The following CMTM7 variants were observed in gnomAD, a reference collection of about 807,000 sequenced individuals.
The protein encoded by CMTM7 is CKLF like MARVEL transmembrane domain containing 7, also known as CKLF-like MARVEL transmembrane domain-containing protein 7.
Under a neutral mutation model 19.3 loss-of-function variants are expected in CMTM7, and 7 were observed. The observed-to-expected ratio is 0.36, with a 90% confidence interval of 0.21 to 0.68. The LOEUF (loss-of-function observed/expected upper bound fraction) is 0.68. CMTM7 is among the 30% of genes least tolerant of loss of function. The probability of loss-of-function intolerance (pLI) is 0.60; values close to 1 mark genes in which losing one functional copy is unlikely to be tolerated. For synonymous variants in CMTM7, 87 were observed against 99.3 expected (o/e 0.88, Z 0.74); for missense variants, 193 against 232.6 (o/e 0.83, Z 1.11).
intron 1 of CMTM7, among the ~76,000 whole-genome samples, chr3:32,408,153 G>A (rs912777398): frequency 4.6e-5 from 7 of 152,192 alleles, no homozygotes; most frequent in Non-Finnish European, 7.4e-5. Flanking sequence ...CAGAGTCTCC[G>A]GAGGGAGCAC....
intron 1 of CMTM7, among the ~76,000 whole-genome samples, chr3:32,407,974 G>A (rs1034335554): frequency 4.6e-5 from 7 of 152,152 alleles, no homozygotes; most frequent in East Asian, 3.8e-4. Context: ...TGGAAAAACC[G>A]TCTTCTCACA....
At chr3:32,452,319 G>T in intron 3 of CMTM7, 73 bp from the exon 4 acceptor site, 2 of 1,612,214 alleles carry the variant, frequency 1.2e-6, no homozygotes, top group Non-Finnish European at 1.7e-6. Flanking sequence ...GCACAGAGAT[G>T]AGAAGCAGAC....
intron 1 of CMTM7, among the ~76,000 whole-genome samples, chr3:32,395,157 C>T (rs981177427): frequency 6.6e-6 from 1 of 152,186 alleles, no homozygotes; most frequent in South Asian, 2.1e-4. Flanking sequence ...GCACCCACCA[C>T]GATGCCCAGC....
intron 1 of CMTM7, among the ~76,000 whole-genome samples, chr3:32,427,463 C>T (rs1254622873): frequency 1.3e-5 from 2 of 152,028 alleles, no homozygotes; most frequent in South Asian, 4.1e-4. Flanking sequence ...GGTATGGGGA[C>T]CAGGAGGGCA....
At chr3:32,454,052 G>C (rs1696873429) in intron 4 of CMTM7, among the ~76,000 whole-genome samples, 189 bp from the exon 5 acceptor site, 1 of 152,164 alleles carries the variant, frequency 6.6e-6, no homozygotes. Flanking sequence ...AGTCACCTCT[G>C]CACTACCGAA....
intron 1 of CMTM7, among the ~76,000 whole-genome samples, chr3:32,404,502 C>T (rs552812009): frequency 6.6e-6 from 1 of 152,282 alleles, no homozygotes; most frequent in African/African-American, 2.4e-5. Context: ...TTCAGTTTTT[C>T]CTCCTTTTGC....
intron 1 of CMTM7, among the ~76,000 whole-genome samples, chr3:32,400,804 A>G (rs1695991373): frequency 6.6e-6 from 1 of 152,206 alleles, no homozygotes. Flanking sequence ...TGTGTGTACC[A>G]TGGTACACTG....
At chr3:32,413,232 G>A (rs568416181) in intron 1 of CMTM7, among the ~76,000 whole-genome samples, 85 of 152,282 alleles carry the variant, frequency 5.6e-4, no homozygotes, top group Non-Finnish European at 1.1e-3. Flanking sequence ...ATGGCCAATC[G>A]CTGTTTTACG....
chr3:32,431,026 A>G (rs183288331), intron 1 of CMTM7, among the ~76,000 whole-genome samples: 8 of 152,376 alleles, frequency 5.3e-5, no homozygotes, highest in Admixed American at 4.6e-4. Context: ...TGGGAAAACA[A>G]CAGTGAACAC....
chr3:32,426,103 C>A (rs1696428532), intron 1 of CMTM7, among the ~76,000 whole-genome samples: 2 of 152,198 alleles, frequency 1.3e-5, no homozygotes, highest in Admixed American at 1.3e-4. Context: ...CAAGATCGCA[C>A]CATTGCACTC....
intron 1 of CMTM7, among the ~76,000 whole-genome samples, chr3:32,441,462 AC>A (rs1696674324): frequency 6.6e-6 from 1 of 152,118 alleles, no homozygotes; most frequent in Admixed American, 6.5e-5. Flanking sequence ...TAATATGTAA[AC>A]CCCAGGTCAC....
At position 32,454,458 on chromosome 3, in the gene CMTM7, G is replaced by A. The variant is rs114577010; in HGVS notation, c.*204G>A. 9.5e-4 allele frequency: 673 copies of A among 712,006 alleles called. 4 individuals carry two copies. In the African/African-American group the frequency reaches 0.01, roughly 11 times the overall value. The allele number at this position is 712,006 out of a possible 1,614,324, so 44.1% of individuals were successfully genotyped here. ...CCGGAAACTCTTCCTCCAGCCTTCC[G>A]GGGAGAACATCCCTCCCATTCTGGG... On this transcript the variant is annotated 3_prime_UTR_variant, in exon 5 of 5. Coordinates refer to ENST00000334983, the MANE Select transcript of CMTM7 (RefSeq NM_138410.4).
At chr3:32,418,750 G>C (rs58815854) in intron 1 of CMTM7, among the ~76,000 whole-genome samples, 5 of 152,018 alleles carry the variant, frequency 3.3e-5, no homozygotes, top group Non-Finnish European at 7.4e-5. Flanking sequence ...TGCTGCATTC[G>C]TCTATTTGTC....
intron 1 of CMTM7, among the ~76,000 whole-genome samples, chr3:32,413,243 G>A (rs1158760995): frequency 6.6e-6 from 1 of 152,174 alleles, no homozygotes; most frequent in African/African-American, 2.4e-5. Context: ...CTGTTTTACG[G>A]TATGCAGTAG....
chr3:32,403,344 A>G (rs976967122), intron 1 of CMTM7, among the ~76,000 whole-genome samples: 9 of 152,060 alleles, frequency 5.9e-5, no homozygotes, highest in Non-Finnish European at 1.0e-4. Flanking sequence ...CCTCCCAAGT[A>G]TTAACAATTG....
At chr3:32,432,976 A>G (rs539884207) in intron 1 of CMTM7, among the ~76,000 whole-genome samples, 3 of 152,292 alleles carry the variant, frequency 2.0e-5, no homozygotes, top group East Asian at 3.9e-4. Context: ...CTATCTAAAG[A>G]ATTATGTCCT....
At chr3:32,452,888 C>G (rs552282139) in intron 4 of CMTM7, among the ~76,000 whole-genome samples, 1 of 141,866 alleles carries the variant, frequency 7.0e-6, no homozygotes, top group South Asian at 2.3e-4. Context: ...GTACCTGGGA[C>G]TACAGGTGTG....
rs566333202 is a variant in CMTM7, at chr3:32,392,200, C to A, written c.159+135C>A. On this transcript the variant is annotated intron_variant, in intron 1 of 4. Transcript: ENST00000334983. ...TCGCGCAGCGGGCGGGGCACCGCGT[C>A]GCTAAAGTTCGCGGCAGGCTTCCTC... is the stretch of plus-strand genomic sequence containing the variant. 7.7e-5 allele frequency: 53 copies of A among 684,180 alleles called. No individual in the cohort carries two copies. In the African/African-American group the frequency reaches 8.5e-4, roughly 11 times the overall value. The allele number at this position is 684,180 out of a possible 1,614,324, so 42.4% of individuals were successfully genotyped here.
At chr3:32,439,991 C>A (rs775916361) in intron 1 of CMTM7, among the ~76,000 whole-genome samples, 1 of 152,122 alleles carries the variant, frequency 6.6e-6, no homozygotes, top group South Asian at 2.1e-4. Context: ...AAAATATATA[C>A]ACACATTGCC....
Sources: gnomAD v4.1 joint callset for allele counts (sites outside exome capture counted in the v4.1 genomes callset) on GRCh38, gnomAD v4.1.1 for gene constraint, MANE v1.5 for transcripts, NCBI Gene and HGNC (gene_info 2026-07-23, HGNC 2026-07-21) for gene names.